Variants in MBNL2 observed in about 807,000 individuals in gnomAD.
The protein encoded by MBNL2 is muscleblind like splicing regulator 2.
A neutral mutation model predicts 41.9 loss-of-function variants in MBNL2; 17 were observed. The ratio of observed to expected loss-of-function variants is 0.41; its 90% CI spans 0.28 to 0.61. MBNL2 has a LOEUF of 0.61. Ranked by LOEUF, MBNL2 falls within the 20% of genes least tolerant of loss-of-function variation. The probability of loss-of-function intolerance (pLI) is 0.35; values close to 1 mark genes in which losing one functional copy is unlikely to be tolerated. For synonymous variants in MBNL2, 195 were observed against 182.9 expected (o/e 1.07, Z -0.53); for missense variants, 336 against 505.6 (o/e 0.66, Z 3.22).
At chr13:97,338,869 G>A (rs1223334908) in intron 3 of MBNL2, among the ~76,000 whole-genome samples, 1 of 152,246 alleles carries the variant, frequency 6.6e-6, no homozygotes, top group South Asian at 2.1e-4. Context: ...CATTCTAAAC[G>A]AGTGGGACGA....
chr13:97,276,619 AT>A (rs1354593009), intron 2 of MBNL2, among the ~76,000 whole-genome samples: 1 of 152,202 alleles, frequency 6.6e-6, no homozygotes, highest in African/African-American at 2.4e-5. Flanking sequence ...AAAATACATG[AT>A]GATGTATTTC....
At chr13:97,150,524 C>G in the MBNL2 span, among the ~76,000 whole-genome samples, 1 of 152,066 alleles carries the variant, frequency 6.6e-6, no homozygotes, top group African/African-American at 2.4e-5. Flanking sequence ...AAAGAGTTAC[C>G]AAGTTTATAG....
At chr13:97,158,104 T>G in the MBNL2 span, among the ~76,000 whole-genome samples, 1 of 152,104 alleles carries the variant, frequency 6.6e-6, no homozygotes, top group African/African-American at 2.4e-5. Flanking sequence ...AGATTCAACT[T>G]CTTCCTTGTT....
chr13:97,313,028 C>A (rs186458597), intron 2 of MBNL2, among the ~76,000 whole-genome samples: 1 of 152,088 alleles, frequency 6.6e-6, no homozygotes, highest in South Asian at 2.1e-4. Context: ...GGGTAGCAAT[C>A]GTCTACAGAG....
intron 1 of MBNL2, among the ~76,000 whole-genome samples, chr13:97,234,607 C>T (rs1478310644): frequency 6.6e-6 from 1 of 152,198 alleles, no homozygotes; most frequent in Non-Finnish European, 1.5e-5. Flanking sequence ...CCACAGGTAA[C>T]AGCCCCCTCC....
rs2063836723 is a variant in MBNL2, at chr13:97,366,332, G to T, written c.1048+1161G>T. The T allele has an allele frequency of 5.1e-6, 3 of 583,080 alleles. No individual in the cohort carries two copies. The highest frequency in any genetic ancestry group is 6.2e-6 in the Non-Finnish European group (2 of 320,214). 36.1% of individuals were successfully genotyped at this position (583,080 alleles called of 1,614,324 possible). ...TGCTTCCTTGCTTTGCATTGTGATT[G>T]CATGCCATCTGCTGGTTTAACCCAT... On this transcript the variant is annotated intron_variant, in intron 8 of 8. Coordinates refer to ENST00000679496, the MANE Select transcript of MBNL2 (RefSeq NM_001382683.1). The surrounding 1 kb of genome is among the most constrained non-coding windows in gnomAD (Gnocchi z 4.7).
intron 2 of MBNL2, among the ~76,000 whole-genome samples, chr13:97,292,074 G>A (rs909243860): frequency 1.4e-5 from 2 of 147,936 alleles, no homozygotes; most frequent in African/African-American, 5.0e-5. Context: ...GATGGCGGGC[G>A]CCTGTAGTCC....
chr13:97,255,034 T>G (rs1305133561), intron 1 of MBNL2, among the ~76,000 whole-genome samples: 2 of 152,178 alleles, frequency 1.3e-5, no homozygotes, highest in African/African-American at 4.8e-5. Context: ...AATGAACCTG[T>G]GCTTCTGCTG....
chr13:97,235,297 A>AT, intron 1 of MBNL2, among the ~76,000 whole-genome samples: 1 of 152,250 alleles, frequency 6.6e-6, no homozygotes, highest in South Asian at 2.1e-4. Context: ...AAAAATTTGC[A>AT]TTTTTAACAA....
chr13:97,334,166 A>ACACACACACG lies in MBNL2; in HGVS notation c.175-101_175-100insGCACACACAC. 1.3e-6 allele frequency: 1 copy of ACACACACACG among 799,426 alleles called. No individual in the cohort carries two copies. The highest frequency in any genetic ancestry group is 2.0e-6 in the Non-Finnish European group (1 of 495,054). The allele number at this position is 799,426 out of a possible 1,614,324, so 49.5% of individuals were successfully genotyped here. A position where few individuals can be genotyped will look rare whatever the true frequency, so the allele number is the denominator to read the frequency against. On this transcript the variant is annotated intron_variant, in intron 2 of 8. Coordinates refer to ENST00000679496, the MANE Select transcript of MBNL2 (RefSeq NM_001382683.1). This position sits in a 1 kb window ranked among gnomAD's most constrained non-coding sequence, Gnocchi z 5.3. Reference sequence around the variant, plus strand: ...CGCACACCCACACACACACACACACACACACACACAGGATCCTTGCTTTTG... The same window carrying ACACACACACG: ...CGCACACCCACACACACACACACACACACACACACGCACACACACAGGATCCTTGCTTTTG...
chr13:97,251,547 A>G (rs1184451591), intron 1 of MBNL2, among the ~76,000 whole-genome samples: 1 of 152,232 alleles, frequency 6.6e-6, no homozygotes, highest in Admixed American at 6.5e-5. Context: ...AGCTATTAGT[A>G]AACACGCACT....
At chr13:97,165,559 T>C in the MBNL2 span, among the ~76,000 whole-genome samples, 13 of 152,232 alleles carry the variant, frequency 8.5e-5, no homozygotes, top group African/African-American at 2.4e-4. Flanking sequence ...TTGAAAATCA[T>C]ATTCAACATT....
intron 1 of MBNL2, among the ~76,000 whole-genome samples, chr13:97,223,860 A>G (rs1365485203): frequency 6.6e-6 from 1 of 152,240 alleles, no homozygotes; most frequent in East Asian, 1.9e-4. Context: ...ACACTAGCCC[A>G]GAACTTCTGA....
intron 8 of MBNL2, among the ~76,000 whole-genome samples, chr13:97,387,028 T>A (rs866022019): frequency 2.6e-5 from 4 of 151,854 alleles, no homozygotes; most frequent in Middle Eastern, 6.8e-3. Flanking sequence ...TTGTCTGTTC[T>A]CCTTTTAGTG....
intron 1 of MBNL2, among the ~76,000 whole-genome samples, chr13:97,252,863 T>C (rs985984175): frequency 2.6e-5 from 4 of 152,220 alleles, no homozygotes; most frequent in African/African-American, 4.8e-5. Context: ...ATGCCATATA[T>C]TACTGTTACA....
the MBNL2 span, among the ~76,000 whole-genome samples, chr13:97,203,347 G>A: frequency 4.7e-4 from 71 of 152,260 alleles, no homozygotes; most frequent in African/African-American, 1.7e-3. Context: ...CAATAATTCT[G>A]TGAATAGAGG....
intron 3 of MBNL2, among the ~76,000 whole-genome samples, chr13:97,341,803 T>A (rs183922451): frequency 6.6e-6 from 1 of 152,244 alleles, no homozygotes; most frequent in African/African-American, 2.4e-5. Flanking sequence ...AGAAAAAGTA[T>A]GTTTATTAAA....
chr13:97,161,595 A>G, the MBNL2 span, among the ~76,000 whole-genome samples: 2 of 152,196 alleles, frequency 1.3e-5, no homozygotes, highest in Non-Finnish European at 2.9e-5. Flanking sequence ...CTATAACTGT[A>G]ATTTATGAAT....
intron 5 of MBNL2, among the ~76,000 whole-genome samples, chr13:97,350,254 G>A (rs7318250): frequency 0.59 from 90,478 of 152,090 alleles, 29,740 homozygotes; most frequent in African/African-American, 0.9. Context: ...ATTTTAAAAT[G>A]TTGCTTAAAA....
Sources: allele counts gnomAD v4.1 joint callset (sites outside exome capture counted in the v4.1 genomes callset), GRCh38; gene constraint gnomAD v4.1.1; non-coding constraint Gnocchi (gnomAD v3.1); transcripts MANE v1.5; gene names NCBI Gene and HGNC (gene_info 2026-07-23, HGNC 2026-07-21).